The following WDR27 variants were observed in gnomAD, a reference collection of about 807,000 sequenced individuals.
WDR27 encodes WD repeat domain 27.
A neutral mutation model predicts 114.4 loss-of-function variants in WDR27; 100 were observed. That is an observed-to-expected ratio of 0.87 (90% CI 0.74 to 1.03). The LOEUF (loss-of-function observed/expected upper bound fraction) is 1.03, where lower values mean the gene tolerates loss of function less well. Among genes scored for constraint, WDR27 ranks in the 50% least tolerant of loss-of-function variants. The probability of loss-of-function intolerance (pLI) is 0.00; values close to 1 mark genes in which losing one functional copy is unlikely to be tolerated. For synonymous variants in WDR27, 449 were observed against 423.1 expected (o/e 1.06, Z -0.75); for missense variants, 1,129 against 1,092.9 (o/e 1.03, Z -0.47).
At chr6:169,448,369 TCTCTCC>T in the WDR27 span, among the ~76,000 whole-genome samples, 3 of 150,176 alleles carry the variant, frequency 2.0e-5, no homozygotes, top group Non-Finnish European at 4.4e-5. Context: ...TCTCTCTCTC[TCTCTCC>T]CTCTGTCTCT....
rs1562872247 is a variant in WDR27, at chr6:169,665,499, C to T, written c.770G>A (p.Cys257Tyr). The T allele has an allele frequency of 6.2e-7, 1 of 1,613,644 alleles. No homozygotes were observed. The change falls in exon 7 of 26, where the codon TGT becomes TAT. Residue 257 changes from cysteine (C) to tyrosine (Y), a missense_variant. By Grantham distance (194) the Cys-to-Tyr change is radical. Transcript: ENST00000448612. ...DAESRQLVTG[C>Y]ADGQLWIFSL... The stretch of plus-strand genomic sequence containing the variant: ...TGGCTGTCTCACCTGGCCGTCAGCA[C>T]ACCCGGTGACCAGCTGCCTGCTTTC...
At chr6:169,613,480 C>A in intron 22 of WDR27, 79 bp downstream of exon 22, 1 of 1,190,220 alleles carries the variant, frequency 8.4e-7, no homozygotes, top group Non-Finnish European at 1.2e-6. Flanking sequence ...AACCTCATCA[C>A]ATTCGGAAAA....
intron 14 of WDR27, among the ~76,000 whole-genome samples, chr6:169,651,499 T>C (rs75521584): frequency 0.055 from 8,405 of 152,132 alleles, 318 homozygotes; most frequent in East Asian, 0.1. Flanking sequence ...GCAGTCTTGC[T>C]AACTCAGGGA....
At position 169,562,039 on chromosome 6, in the gene WDR27, C is replaced by G. The variant is rs369419391; in HGVS notation, c.2645+10380G>C. ...TAATAACCCAAACCTAATAAAGTAG[C>G]TTTGAAATAAACAAAACAAAAAACT... is the stretch of plus-strand genomic sequence containing the variant. On this transcript the variant is annotated intron_variant, in intron 25 of 25. Coordinates refer to ENST00000448612, the MANE Select transcript of WDR27 (RefSeq NM_182552.5). Among the ~76,000 whole-genome samples, 55 of 152,212 alleles carry G rather than the reference C, an allele frequency of 3.6e-4. No homozygotes were observed. The South Asian group carries it at 0.011, about 32-fold the overall frequency.
At chr6:169,666,993 G>A (rs956441681) in intron 6 of WDR27, 143 bp downstream of exon 6, 5 of 1,273,452 alleles carry the variant, frequency 3.9e-6, no homozygotes, top group South Asian at 3.2e-5. Flanking sequence ...CTGTGTGGAC[G>A]GGAGTGAAGG....
chr6:169,634,440 C>T lies in WDR27; in HGVS notation c.2089G>A (p.Asp697Asn), dbSNP rs35927529. Reference sequence around the variant, plus strand: ...GGAGAAAGGATACGGGAATAAAAGTCGTTGACTGCCGATAAACTGGTCATG... The same window carrying T: ...GGAGAAAGGATACGGGAATAAAAGTTGTTGACTGCCGATAAACTGGTCATG... ...VDMTSLSAVN[D>N]FYSHIVLAAG... The change falls in exon 20 of 26, where the codon GAC becomes AAC. Residue 697 changes from aspartate (D) to asparagine (N), a missense_variant. By Grantham distance (23) the Asp-to-Asn change is conservative. Coordinates refer to ENST00000448612, the MANE Select transcript of WDR27 (RefSeq NM_182552.5). The T allele has an allele frequency of 1.6e-5, 26 of 1,611,858 alleles. No individual in the cohort carries two copies. The highest frequency in any genetic ancestry group is 5.0e-5 in the Admixed American group (3 of 59,808).
intron 21 of WDR27, among the ~76,000 whole-genome samples, chr6:169,623,193 G>A (rs554064997): frequency 2.6e-5 from 4 of 152,200 alleles, no homozygotes; most frequent in East Asian, 1.9e-4. Context: ...TCAGCTGGTC[G>A]TGCGGCCCCC....
chr6:169,700,486 T>G (rs1209365256), intron 1 of WDR27, among the ~76,000 whole-genome samples: 2 of 152,220 alleles, frequency 1.3e-5, no homozygotes, highest in East Asian at 1.9e-4. Context: ...AGTGCAGCCA[T>G]GTAGTCGTTG....
chr6:169,547,677 CA>C (rs1797632108), intron 25 of WDR27, among the ~76,000 whole-genome samples: 1 of 151,998 alleles, frequency 6.6e-6, no homozygotes, highest in Non-Finnish European at 1.5e-5. Context: ...GAATATCTAC[CA>C]AAAACCTACA....
At chr6:169,687,903 G>A (rs1411852114) in intron 2 of WDR27, among the ~76,000 whole-genome samples, 8 of 152,134 alleles carry the variant, frequency 5.3e-5, no homozygotes, top group Admixed American at 5.2e-4. Flanking sequence ...AGAGTCAACT[G>A]CTTATGTATC....
chr6:169,646,202 G>A (rs905833992), intron 16 of WDR27, among the ~76,000 whole-genome samples: 51 of 152,202 alleles, frequency 3.4e-4, no homozygotes, highest in African/African-American at 6.5e-4. Context: ...CTTGTAAGGC[G>A]CTGCCTTTGT....
rs374080466 is a variant in WDR27 at position 169,534,045 on chromosome 6, T to C, written c.2645+38374A>G. Among the ~76,000 whole-genome samples the C allele has an allele frequency of 1.3e-4, 20 of 152,312 alleles. No individual in the cohort carries two copies. In the South Asian group the frequency reaches 2.5e-3, roughly 19 times the overall value. On this transcript the variant is annotated intron_variant, in intron 25 of 25. Coordinates refer to ENST00000448612, the MANE Select transcript of WDR27 (RefSeq NM_182552.5). The stretch of plus-strand genomic sequence containing the variant: ...TCACAGGGTTCACAGGTGGCTTTAT[T>C]AGGTTAAGGAAGCCCCCTTCCATTT...
the WDR27 span, among the ~76,000 whole-genome samples, chr6:169,430,183 G>A: frequency 6.6e-6 from 1 of 152,214 alleles, no homozygotes; most frequent in Non-Finnish European, 1.5e-5. Flanking sequence ...AGCCACACCA[G>A]GTTGCAAGGG....
At chr6:169,511,370 C>T (rs541505890) in intron 25 of WDR27, among the ~76,000 whole-genome samples, 9 of 152,176 alleles carry the variant, frequency 5.9e-5, no homozygotes, top group East Asian at 1.9e-4. Context: ...TGTGAAGAGA[C>T]GTTTTCAAAC....
intron 14 of WDR27, 90 bp from the exon 15 acceptor site, chr6:169,649,365 T>A: frequency 9.0e-7 from 1 of 1,105,192 alleles, no homozygotes; most frequent in Admixed American, 2.0e-5. Context: ...AAAAATTATA[T>A]ACATAGATAT....
At chr6:169,638,201 A>AGCT (rs1818153352) in intron 18 of WDR27, among the ~76,000 whole-genome samples, 1 of 121,408 alleles carries the variant, frequency 8.2e-6, no homozygotes, top group Non-Finnish European at 1.6e-5. Context: ...CTGTAGTCCC[A>AGCT]GCTACTCGGG....
intron 25 of WDR27, among the ~76,000 whole-genome samples, chr6:169,493,506 T>C (rs997777972): frequency 1.4e-4 from 21 of 152,100 alleles, no homozygotes; most frequent in African/African-American, 4.8e-4. Context: ...AATTTTTTTT[T>C]ATTTCTTCTT....
intron 25 of WDR27, among the ~76,000 whole-genome samples, chr6:169,490,792 C>A (rs1789652230): frequency 6.6e-6 from 1 of 152,178 alleles, no homozygotes; most frequent in Non-Finnish European, 1.5e-5. Flanking sequence ...TCTGTGGTCT[C>A]TGTGTCTCAG....
chr6:169,623,986 G>C (rs561791750), intron 21 of WDR27, among the ~76,000 whole-genome samples: 2 of 152,298 alleles, frequency 1.3e-5, no homozygotes, highest in East Asian at 3.9e-4. Context: ...CACGAGGCGA[G>C]GTGAACACCA....
Sources: allele counts gnomAD v4.1 joint callset (sites outside exome capture counted in the v4.1 genomes callset), GRCh38; gene constraint gnomAD v4.1.1; transcripts MANE v1.5; gene names NCBI Gene and HGNC (gene_info 2026-07-23, HGNC 2026-07-21).